DHX32: variants seen among roughly 807,000 people sequenced by gnomAD.
DHX32 encodes putative pre-mRNA-splicing factor ATP-dependent RNA helicase DHX32.
A neutral mutation model predicts 70.0 loss-of-function variants in DHX32; 51 were observed. The observed-to-expected ratio is 0.73, with a 90% confidence interval of 0.58 to 0.92. The LOEUF is 0.92. Among genes scored for constraint, DHX32 ranks in the 40% least tolerant of loss-of-function variants. DHX32 has a pLI of 0.00. For missense variants in DHX32, 762 were observed against 891.8 expected (o/e 0.85, Z 1.85); for synonymous variants, 310 against 315.3 (o/e 0.98, Z 0.18).
At chr10:125,888,073 CAT>C (rs1386189194) in intron 1 of DHX32, among the ~76,000 whole-genome samples, 1 of 152,102 alleles carries the variant, frequency 6.6e-6, no homozygotes, top group Non-Finnish European at 1.5e-5. Context: ...TGATCTGACT[CAT>C]AGTTTGTAAA....
upstream of DHX32, among the ~76,000 whole-genome samples, chr10:125,882,388 GAT>G (rs1944322405): frequency 6.6e-6 from 1 of 152,158 alleles, no homozygotes; most frequent in African/African-American, 2.4e-5. Context: ...ATTAGTAAGT[GAT>G]AAGAAAAGCT....
intron 6 of DHX32, among the ~76,000 whole-genome samples, chr10:125,847,000 G>A (rs1472834636): frequency 1.3e-5 from 2 of 152,172 alleles, no homozygotes; most frequent in African/African-American, 4.8e-5. Context: ...GAGAAATGCA[G>A]TTATCACTTA....
intron 1 of DHX32, 54 bp downstream of exon 1, chr10:125,880,488 TA>T (rs1478300527): frequency 6.6e-7 from 1 of 1,512,786 alleles, no homozygotes; most frequent in Non-Finnish European, 8.9e-7. Context: ...TGTCATTAAA[TA>T]ACAATTAAAA....
At chr10:125,859,565 T>C (rs757808997) in intron 3 of DHX32, 38 bp downstream of exon 3, 5 of 1,511,972 alleles carry the variant, frequency 3.3e-6, no homozygotes, top group Middle Eastern at 1.8e-4. Context: ...CCAAATGAAA[T>C]ACCTTATTAC....
At chr10:125,870,816 A>G (rs1325193340) in intron 1 of DHX32, among the ~76,000 whole-genome samples, 4 of 152,096 alleles carry the variant, frequency 2.6e-5, no homozygotes, top group Non-Finnish European at 4.4e-5. Context: ...CAGCCTGGGC[A>G]ACAGAGCGAG....
chr10:125,849,369 T>G (rs1944062156), intron 6 of DHX32, among the ~76,000 whole-genome samples: 1 of 152,104 alleles, frequency 6.6e-6, no homozygotes, highest in East Asian at 1.9e-4. Context: ...CTTTAAAACC[T>G]CTCCTGGATT....
At chr10:125,865,544 T>A (rs1307773032) in intron 2 of DHX32, among the ~76,000 whole-genome samples, 1 of 151,900 alleles carries the variant, frequency 6.6e-6, no homozygotes, top group Non-Finnish European at 1.5e-5. Context: ...CTTTCTTTTT[T>A]TCTGGGACAG....
Position 125,840,861 on chromosome 10 carries a change from T to A in DHX32, c.1679A>T (p.Asn560Ile). The change falls in exon 8 of 11, where the codon AAT becomes ATT. Residue 560 changes from asparagine to isoleucine, a missense_variant. Around this residue, in one of 3 missense-constraint regions of DHX32, gnomAD observed 366 missense variants for 402.6 expected, o/e 0.91. Transcript: ENST00000284690. ...CATTCACTTACACTCACTGCTAGAA[T>A]TCAGAGTTGTGTCTTGGTAAGCCTT... ...IYKAYQDTTLNSSSEYCVEKW... is the reference protein window; with the variant it reads ...IYKAYQDTTLISSSEYCVEKW... The A allele has an allele frequency of 1.3e-6, 2 of 1,594,112 alleles. No homozygotes were observed. The highest frequency in any genetic ancestry group is 1.3e-5 in the African/African-American group (1 of 74,368).
intron 6 of DHX32, among the ~76,000 whole-genome samples, chr10:125,851,666 C>A (rs1162534186): frequency 5.3e-5 from 8 of 152,122 alleles, no homozygotes; most frequent in Non-Finnish European, 1.0e-4. Context: ...AAATATACTT[C>A]TCTGGCATAT....
intron 2 of DHX32, among the ~76,000 whole-genome samples, chr10:125,861,414 G>A (rs1944187680): frequency 6.6e-6 from 1 of 152,108 alleles, no homozygotes; most frequent in Non-Finnish European, 1.5e-5. Context: ...GGAGAATGGC[G>A]TGAACTGGAG....
Position 125,859,845 on chromosome 10 carries a change from C to A in DHX32, c.607G>T (p.Asp203Tyr). 6.2e-7 allele frequency: 1 copy of A among 1,614,084 alleles called. No homozygotes were observed. ...AGTTCTGGTCTTGCTAGTAAAACATCTTTAAGAAGTCCAAGTAACACATCA... is the reference window on the plus strand; with the variant it reads ...AGTTCTGGTCTTGCTAGTAAAACATATTTAAGAAGTCCAAGTAACACATCA... ...ATDVLLGLLK[D>Y]VLLARPELKL... Residue 203 changes from aspartate to tyrosine, a missense_variant, in exon 3 of 11, where the codon GAT becomes TAT. Coordinates refer to ENST00000284690, the MANE Select transcript of DHX32 (RefSeq NM_018180.3).
chr10:125,879,524 C>A (rs1240058304), intron 1 of DHX32, among the ~76,000 whole-genome samples: 1 of 152,298 alleles, frequency 6.6e-6, no homozygotes, highest in African/African-American at 2.4e-5. Context: ...TGTCTTTTGT[C>A]TTACTTTCAT....
intron 6 of DHX32, 25 bp downstream of exon 6, chr10:125,852,268 G>A (rs766919316): frequency 1.2e-6 from 2 of 1,609,342 alleles, no homozygotes; most frequent in Non-Finnish European, 1.7e-6. Flanking sequence ...CCTAATGCCT[G>A]GCTGACATGG....
At chr10:125,851,362 A>G (rs1253185546) in intron 6 of DHX32, among the ~76,000 whole-genome samples, 1 of 152,216 alleles carries the variant, frequency 6.6e-6, no homozygotes, top group Admixed American at 6.5e-5. Flanking sequence ...TTTAAGCCTC[A>G]TGGAATGAGC....
intron 1 of DHX32, among the ~76,000 whole-genome samples, chr10:125,874,150 A>G (rs1229330218): frequency 1.3e-5 from 2 of 152,238 alleles, no homozygotes; most frequent in Non-Finnish European, 2.9e-5. Context: ...AGACAGGTGA[A>G]ATCTTTAGGA....
chr10:125,883,675 G>A (rs1178820327), upstream of DHX32, among the ~76,000 whole-genome samples: 16 of 152,198 alleles, frequency 1.1e-4, no homozygotes, highest in Admixed American at 1.0e-3. Context: ...GTTTTTGTAA[G>A]CTACTAAGTT....
rs111275371 is a variant in DHX32 at position 125,841,954 on chromosome 10, A to G, written c.1352-20T>C. 4.5e-5 allele frequency: 71 copies of G among 1,568,418 alleles called. 1 individual carries two copies. In the African/African-American group the frequency reaches 7.4e-4, roughly 16 times the overall value. On this transcript the variant is annotated intron_variant, in intron 6 of 10. Transcript: ENST00000284690. ...CTGGTGCTAGGAAAGGAAAAAAATA[A>G]TAATTTAAGAGTCTCATATGGCTAA...
rs183270716 is a variant in DHX32, at chr10:125,874,542, T to A, written c.282+6001A>T. On this transcript the variant is annotated intron_variant, in intron 1 of 10. Coordinates refer to ENST00000284690, the MANE Select transcript of DHX32 (RefSeq NM_018180.3). ...AAACTCAAGAAGTAGATTAAAAAAA[T>A]TTTTTAAACTGCAGTGTGGATTAGC... Among the ~76,000 whole-genome samples the A allele has an allele frequency of 6.6e-5, 10 of 152,342 alleles. No homozygotes were observed. The East Asian group carries it at 1.2e-3, about 18-fold the overall frequency.
chr10:125,841,978 A>G (rs768696487), intron 6 of DHX32, 44 bp from the exon 7 acceptor site: 32 of 1,509,446 alleles, frequency 2.1e-5, no homozygotes, highest in Non-Finnish European at 2.5e-5. Context: ...TCATATGGCT[A>G]AGATGGAGAA....
Sources: allele counts gnomAD v4.1 joint callset (sites outside exome capture counted in the v4.1 genomes callset), GRCh38; gene constraint gnomAD v4.1.1; regional missense constraint gnomAD v4.1.1; transcripts MANE v1.5; gene names NCBI Gene and HGNC (gene_info 2026-07-23, HGNC 2026-07-21).